Variants in NFIA observed in about 807,000 individuals in gnomAD.
NFIA encodes the protein nuclear factor 1 A-type.
In NFIA, 8 loss-of-function variants were observed where a neutral mutation model predicts 62.8. The ratio of observed to expected loss-of-function variants is 0.13; its 90% CI spans 0.07 to 0.23. NFIA has a LOEUF of 0.23. NFIA is among the 10% of genes least tolerant of loss of function. The pLI, the probability that NFIA is intolerant of heterozygous loss-of-function variation, is 1.00. For missense variants in NFIA, 410 were observed against 642.1 expected, an observed-to-expected ratio of 0.64 and a Z score of 3.91; for synonymous variants, 235 against 238.1, an observed-to-expected ratio of 0.99 and a Z score of 0.12.
At chr1:61,305,416 T>C (rs1451469467) in intron 3 of NFIA, among the ~76,000 whole-genome samples, 1 of 151,980 alleles carries the variant, frequency 6.6e-6, no homozygotes, top group Non-Finnish European at 1.5e-5. Context: ...CCTGCAGAAG[T>C]CTCTGCATTT....
chr1:61,431,940 G>T (rs948092091), intron 10 of NFIA, among the ~76,000 whole-genome samples: 2 of 152,130 alleles, frequency 1.3e-5, no homozygotes, highest in African/African-American at 4.8e-5. Context: ...GCTTAATAGA[G>T]CCTCAACACC....
chr1:61,300,699 A>G (rs1444562712), intron 3 of NFIA, among the ~76,000 whole-genome samples: 7 of 149,490 alleles, frequency 4.7e-5, no homozygotes, highest in Admixed American at 1.3e-4. Context: ...TAAGCTGGCT[A>G]TATATGTGTA....
At chr1:61,446,116 A>G (rs1279994846) in intron 10 of NFIA, among the ~76,000 whole-genome samples, 1 of 152,204 alleles carries the variant, frequency 6.6e-6, no homozygotes, top group African/African-American at 2.4e-5. Context: ...ATCTTGTAGT[A>G]TCCTTAGAGA....
chr1:61,332,157 C>T (rs1195476623), intron 3 of NFIA, among the ~76,000 whole-genome samples: 1 of 152,180 alleles, frequency 6.6e-6, no homozygotes, highest in Non-Finnish European at 1.5e-5. Context: ...GAATGCAGCT[C>T]TCCTAGTGAT....
chr1:61,126,381 A>G (rs917546074), intron 2 of NFIA, among the ~76,000 whole-genome samples: 3 of 151,262 alleles, frequency 2.0e-5, no homozygotes, highest in Non-Finnish European at 2.9e-5. Flanking sequence ...GTTTGCAACC[A>G]CTGCTGCCAA....
At chr1:61,280,443 A>AT (rs1162392361) in intron 3 of NFIA, among the ~76,000 whole-genome samples, 2 of 98,002 alleles carry the variant, frequency 2.0e-5, no homozygotes, top group African/African-American at 6.0e-5. Context: ...ACATATATGT[A>AT]TGTGTGTGTA....
chr1:61,245,963 C>A (rs1031155178), intron 2 of NFIA, among the ~76,000 whole-genome samples: 5 of 152,100 alleles, frequency 3.3e-5, no homozygotes, highest in African/African-American at 1.2e-4. Flanking sequence ...TCACTATGAG[C>A]CTTGTCTGAA....
In NFIA at chr1:61,200,038, A is replaced by ATG. The variant is rs1557631950; in HGVS notation, c.560-77481_560-77480insGT. Among the ~76,000 whole-genome samples, 217 of 46,956 alleles carry ATG rather than the reference A, an allele frequency of 4.6e-3. 9 individuals are homozygous for ATG. Among genetic ancestry groups the ATG allele is most frequent in the African/African-American group, 0.022 (200 of 9,284 alleles). The allele number at this position is 46,956 out of a possible 152,430, so 30.8% of individuals were successfully genotyped here. A position where few individuals can be genotyped will look rare whatever the true frequency, so the allele number is the denominator to read the frequency against. ...TATATATATATATATATATATATAT[A>ATG]TATATATATATATATATATATATAT... is the stretch of plus-strand genomic sequence containing the variant. On this transcript the variant is annotated intron_variant, in intron 2 of 10. Transcript: ENST00000403491.
chr1:61,267,892 G>C (rs902771857), intron 2 of NFIA, among the ~76,000 whole-genome samples: 1 of 152,128 alleles, frequency 6.6e-6, no homozygotes, highest in East Asian at 1.9e-4. Flanking sequence ...GGTATACAGG[G>C]TGAAAGGCAC....
intron 3 of NFIA, among the ~76,000 whole-genome samples, chr1:61,319,790 A>ACAC: frequency 7.2e-6 from 1 of 139,618 alleles, no homozygotes; most frequent in African/African-American, 2.8e-5. Flanking sequence ...GGAAGAATTA[A>ACAC]ACACACACAC....
intron 2 of NFIA, among the ~76,000 whole-genome samples, chr1:61,235,289 C>T (rs1034896212): frequency 1.3e-5 from 2 of 151,754 alleles, no homozygotes; most frequent in African/African-American, 2.4e-5. Flanking sequence ...GGTGAAACCC[C>T]GTCTCTACTA....
chr1:61,310,639 A>G (rs1028778561), intron 3 of NFIA, among the ~76,000 whole-genome samples: 2 of 152,134 alleles, frequency 1.3e-5, no homozygotes, highest in Non-Finnish European at 2.9e-5. Context: ...CAGCCTCATC[A>G]GTGTTCCCAG....
intron 9 of NFIA, among the ~76,000 whole-genome samples, chr1:61,414,614 T>A (rs1666271810): frequency 6.6e-6 from 1 of 151,980 alleles, no homozygotes; most frequent in South Asian, 2.1e-4. Context: ...TACTTAAGTA[T>A]GAATTGGTTT....
chr1:61,091,102 A>C (rs1438734287), intron 2 of NFIA, among the ~76,000 whole-genome samples: 1 of 152,232 alleles, frequency 6.6e-6, no homozygotes, highest in African/African-American at 2.4e-5. Flanking sequence ...GATACATGCC[A>C]AAACCATTGT....
At chr1:61,163,307 G>A (rs1649342835) in intron 2 of NFIA, among the ~76,000 whole-genome samples, 1 of 152,110 alleles carries the variant, frequency 6.6e-6, no homozygotes, top group Non-Finnish European at 1.5e-5. Flanking sequence ...GTGGTTACGA[G>A]TTATGTGTCT....
At chr1:61,195,929 A>T (rs1218694142) in intron 2 of NFIA, among the ~76,000 whole-genome samples, 9 of 152,178 alleles carry the variant, frequency 5.9e-5, no homozygotes, top group Admixed American at 5.9e-4. Flanking sequence ...TTTCTTACAG[A>T]GTAACTGAAT....
chr1:61,164,249 T>G (rs1334246579), intron 2 of NFIA, among the ~76,000 whole-genome samples: 2 of 152,152 alleles, frequency 1.3e-5, no homozygotes, highest in Non-Finnish European at 2.9e-5. Context: ...CATTTATGGT[T>G]GCCATATGTA....
chr1:61,407,195 G>A (rs934940568), intron 9 of NFIA, among the ~76,000 whole-genome samples: 3 of 152,136 alleles, frequency 2.0e-5, no homozygotes, highest in Admixed American at 6.6e-5. Context: ...CAACTCAAAG[G>A]TGTGTACACT....
intron 7 of NFIA, among the ~76,000 whole-genome samples, chr1:61,389,258 G>A (rs912109804): frequency 6.6e-6 from 1 of 152,170 alleles, no homozygotes; most frequent in African/African-American, 2.4e-5. Context: ...CCTGCCTTAT[G>A]TCTGCATGCC....
Sources: gnomAD v4.1 joint callset for allele counts (sites outside exome capture counted in the v4.1 genomes callset) on GRCh38, gnomAD v4.1.1 for gene constraint, MANE v1.5 for transcripts, NCBI Gene and HGNC (gene_info 2026-07-23, HGNC 2026-07-21) for gene names.